Variants in MMP26 observed in about 807,000 individuals in gnomAD.
MMP26 encodes matrix metallopeptidase 26.
Under a neutral mutation model 31.0 loss-of-function variants are expected in MMP26, and 33 were observed. The ratio of observed to expected loss-of-function variants is 1.06; its 90% CI spans 0.81 to 1.42. The LOEUF is 1.42. Among genes scored for constraint, MMP26 ranks in the 40% most tolerant of loss-of-function variants. The pLI is 0.00. For synonymous variants in MMP26, 122 were observed against 114.9 expected, an observed-to-expected ratio of 1.06 and a Z score of -0.40; for missense variants, 347 against 316.1, an observed-to-expected ratio of 1.10 and a Z score of -0.74.
At chr11:4,749,415 C>T (rs965807554) in intron 1 of MMP26, among the ~76,000 whole-genome samples, 1 of 151,442 alleles carries the variant, frequency 6.6e-6, no homozygotes, top group Non-Finnish European at 1.5e-5. Flanking sequence ...TCATTTTTTT[C>T]ACAGAATTAA....
chr11:4,764,725 T>C (rs1487661356), intron 1 of MMP26, among the ~76,000 whole-genome samples: 1 of 151,972 alleles, frequency 6.6e-6, no homozygotes, highest in Non-Finnish European at 1.5e-5. Flanking sequence ...TACAAAAAAT[T>C]AGCTGGGCGC....
intron 2 of MMP26, among the ~76,000 whole-genome samples, chr11:4,801,845 CTT>C (rs1047367277): frequency 3.9e-5 from 6 of 152,002 alleles, no homozygotes; most frequent in African/African-American, 1.2e-4. Context: ...AGTTAGGACT[CTT>C]TTAAATAACC....
chr11:4,757,047 C>A (rs564031009), intron 1 of MMP26, among the ~76,000 whole-genome samples: 1 of 152,014 alleles, frequency 6.6e-6, no homozygotes, highest in East Asian at 1.9e-4. Flanking sequence ...AAAAGACTTA[C>A]AATTTTGAAA....
intron 2 of MMP26, among the ~76,000 whole-genome samples, chr11:4,781,033 A>T (rs1021018838): frequency 6.6e-6 from 1 of 152,142 alleles, no homozygotes; most frequent in Non-Finnish European, 1.5e-5. Context: ...AGTTACATAC[A>T]GAGACTATAT....
chr11:4,959,111 G>T (rs955450822), intron 2 of MMP26, among the ~76,000 whole-genome samples: 1 of 151,870 alleles, frequency 6.6e-6, no homozygotes, highest in Non-Finnish European at 1.5e-5. Flanking sequence ...GGTGGCGGGC[G>T]CCTGTAGTCC....
intron 2 of MMP26, among the ~76,000 whole-genome samples, chr11:4,799,608 T>C (rs966909162): frequency 1.3e-5 from 2 of 152,110 alleles, no homozygotes; most frequent in Non-Finnish European, 2.9e-5. Flanking sequence ...CGTTGCAAAA[T>C]ACAATCATCC....
intron 1 of MMP26, chr11:4,712,140 T>G (rs1346222616): frequency 6.6e-6 from 1 of 152,194 alleles, no homozygotes; most frequent in Non-Finnish European, 1.5e-5. Context: ...ATTAAATTTA[T>G]TTTTATATAA....
chr11:4,910,621 A>G (rs1850976084), intron 2 of MMP26, among the ~76,000 whole-genome samples: 1 of 152,086 alleles, frequency 6.6e-6, no homozygotes, highest in Non-Finnish European at 1.5e-5. Context: ...TTTCTTATAC[A>G]CTGATATCTA....
chr11:4,856,928 C>T (rs1207693367), intron 2 of MMP26, among the ~76,000 whole-genome samples: 1 of 152,200 alleles, frequency 6.6e-6, no homozygotes, highest in African/African-American at 2.4e-5. Context: ...TCACTCAAAA[C>T]CGCACAACTA....
At chr11:4,923,734 G>A (rs932960204) in intron 2 of MMP26, 3 of 1,613,948 alleles carry the variant, frequency 1.9e-6, no homozygotes, top group African/African-American at 2.7e-5. Flanking sequence ...CCACAACAAA[G>A]AGCCCATAGA....
intron 2 of MMP26, among the ~76,000 whole-genome samples, chr11:4,949,069 G>A (rs1293279272): frequency 8.0e-6 from 1 of 124,780 alleles, no homozygotes; most frequent in Non-Finnish European, 1.8e-5. Context: ...AAATCAATTT[G>A]TTTCATGACA....
intron 2 of MMP26, among the ~76,000 whole-genome samples, chr11:4,771,739 C>T (rs888267523): frequency 6.6e-6 from 1 of 152,040 alleles, no homozygotes; most frequent in African/African-American, 2.4e-5. Context: ...TGCTAGTATT[C>T]TGTGGTTTAT....
At chr11:4,926,055 G>C (rs1851267919) in intron 2 of MMP26, among the ~76,000 whole-genome samples, 2 of 152,072 alleles carry the variant, frequency 1.3e-5, no homozygotes, top group African/African-American at 4.8e-5. Flanking sequence ...AAAAGCTTCT[G>C]TTTCTTTCCT....
intron 2 of MMP26, among the ~76,000 whole-genome samples, chr11:4,774,313 G>A (rs193197287): frequency 2.2e-4 from 34 of 152,186 alleles, no homozygotes; most frequent in African/African-American, 7.0e-4. Flanking sequence ...TTTAATAATG[G>A]CCATTCTGAC....
At chr11:4,785,534 A>G (rs1218336247) in intron 2 of MMP26, among the ~76,000 whole-genome samples, 7 of 152,180 alleles carry the variant, frequency 4.6e-5, no homozygotes, top group Admixed American at 4.6e-4. Context: ...CATGCCTACT[A>G]GATTATTTCT....
rs2595991 is a variant in MMP26, at chr11:4,943,766, T to C, written c.-144-44302T>C. 5.2e-3 allele frequency: 2,005 copies of C among 383,064 alleles called. 39 individuals carry two copies. Among genetic ancestry groups the C allele is most frequent in the African/African-American group, 0.039 (1,845 of 47,312 alleles). The allele number at this position is 383,064 out of a possible 1,614,324, so 23.7% of individuals were successfully genotyped here. A position where few individuals can be genotyped will look rare whatever the true frequency, so the allele number is the denominator to read the frequency against. On this transcript the variant is annotated intron_variant, in intron 2 of 7. Coordinates refer to ENST00000380390, the MANE Select transcript of MMP26 (RefSeq NM_021801.5). ...AACTACATTCTTCATTTCAGAAATA[T>C]GTGAAAATCATTATGCTGACCATAA...
rs139571388 is a variant in MMP26, at chr11:4,849,090, A to G, written c.-145+81749A>G. The G allele has an allele frequency of 1.5e-5, 24 of 1,614,078 alleles. No individual in the cohort carries two copies. In the African/African-American group the frequency reaches 2.4e-4, roughly 16 times the overall value. Reference sequence around the variant, plus strand: ...CAGTGCAGAGAGAAGGTAGACAGCAATGAGGGGCAATGTCCACCAGGAGGG... The same window carrying G: ...CAGTGCAGAGAGAAGGTAGACAGCAGTGAGGGGCAATGTCCACCAGGAGGG... On this transcript the variant is annotated intron_variant, in intron 2 of 7. Transcript: ENST00000380390.
chr11:4,709,214 C>T (rs931515287), intron 1 of MMP26, among the ~76,000 whole-genome samples: 7 of 152,074 alleles, frequency 4.6e-5, no homozygotes, highest in Admixed American at 6.6e-5. Flanking sequence ...CCGGAAATAT[C>T]CCATCTGCCC....
At chr11:4,730,807 C>A (rs187020834) in intron 1 of MMP26, among the ~76,000 whole-genome samples, 229 of 152,220 alleles carry the variant, frequency 1.5e-3, no homozygotes, top group African/African-American at 4.6e-3. Context: ...GATGCTGCAC[C>A]CTGCTACATC....
Sources: allele counts gnomAD v4.1 joint callset (sites outside exome capture counted in the v4.1 genomes callset), GRCh38; gene constraint gnomAD v4.1.1; transcripts MANE v1.5; gene names NCBI Gene and HGNC (gene_info 2026-07-23, HGNC 2026-07-21).